The following ZNF841 variants were observed in gnomAD, a reference collection of about 807,000 sequenced individuals.
The protein encoded by ZNF841 is TCONS_00006091.
A neutral mutation model predicts 13.0 loss-of-function variants in ZNF841; 11 were observed. That is an observed-to-expected ratio of 0.85 (90% CI 0.53 to 1.40). The LOEUF is 1.40. Among genes scored for constraint, ZNF841 ranks in the 40% most tolerant of loss-of-function variants. The pLI is 0.00. For synonymous variants in ZNF841, 369 were observed against 381.6 expected (o/e 0.97, Z 0.38); for missense variants, 1,068 against 1,139.5 (o/e 0.94, Z 0.90).
Position 52,066,410 on chromosome 19 carries a change from C to A in ZNF841, c.1472G>T (p.Gly491Val), listed in dbSNP as rs2087562714. The A allele has an allele frequency of 6.2e-7, 1 of 1,614,050 alleles. No individual in the cohort carries two copies. The highest frequency in any genetic ancestry group is 1.3e-5 in the African/African-American group (1 of 75,030). ...GEKPYKCNEC[G>V]KVFSQHSHLA... ...ATGTGAATGTTGACTGAAGACCTTG[C>A]CACATTCATTACATTTGTAGGGTTT... Residue 491 changes from glycine to valine, a missense_variant, in exon 7 of 7, where the codon GGC (glycine) becomes GTC (valine). Transcript: ENST00000594440.
downstream of ZNF841, among the ~76,000 whole-genome samples, chr19:52,062,945 G>A (rs188937348): frequency 2.6e-4 from 39 of 147,810 alleles, 1 homozygote; most frequent in East Asian, 7.2e-3. Context: ...GTGCAATCTC[G>A]GCTCACTGCA....
At chr19:52,076,022 T>C in intron 6 of ZNF841, 22 bp downstream of exon 6, 5 of 1,551,716 alleles carry the variant, frequency 3.2e-6, no homozygotes, top group African/African-American at 1.4e-5. Flanking sequence ...ACCGCTTCCA[T>C]TGTGCCCATC....
chr19:52,095,291 G>T (rs149889505), intron 1 of ZNF841, among the ~76,000 whole-genome samples: 2 of 152,284 alleles, frequency 1.3e-5, no homozygotes, highest in African/African-American at 4.8e-5. Flanking sequence ...CGACAGGGAG[G>T]GTCTGCAGAA....
chr19:52,085,016 T>G, intron 3 of ZNF841, 138 bp from the exon 4 acceptor site: 1 of 575,614 alleles, frequency 1.7e-6, no homozygotes, highest in Non-Finnish European at 3.0e-6. Context: ...AATAAACTCC[T>G]ACACAAAGAC....
the ZNF841 span, among the ~76,000 whole-genome samples, chr19:52,059,370 A>AAAATATATATAT: frequency 1.2e-3 from 85 of 69,590 alleles, no homozygotes; most frequent in African/African-American, 6.7e-3. Context: ...AAAAAAAAAA[A>AAAATATATATAT]ATATATATAT....
chr19:52,081,535 T>G (rs1600096973), intron 4 of ZNF841, among the ~76,000 whole-genome samples: 3 of 152,158 alleles, frequency 2.0e-5, no homozygotes, highest in Admixed American at 2.0e-4. Context: ...TCAACAGAAA[T>G]AGAAGCTATA....
In ZNF841 at chr19:52,084,796, A is replaced by C. The variant is rs955916361; in HGVS notation, c.6T>G (p.Ala2=). The stretch of plus-strand genomic sequence containing the variant: ...AAGATTATCACTTTACCTGAGGAAG[A>C]GCCATCCCTGGCTCCTTTTCTTTCT... M[A]LPQGSLTFRD... Residue 2 remains alanine (A), a synonymous_variant, in exon 4 of 7, where the codon GCT becomes GCG. Coordinates refer to ENST00000594440, the MANE Select transcript of ZNF841 (RefSeq NM_001136499.2). The C allele has an allele frequency of 1.2e-6, 2 of 1,613,622 alleles. No individual in the cohort carries two copies. The highest frequency in any genetic ancestry group is 2.7e-5 in the African/African-American group (2 of 74,904).
At chr19:52,077,248 T>C (rs983031664) in intron 4 of ZNF841, among the ~76,000 whole-genome samples, 164 bp from the exon 5 acceptor site, 1 of 152,226 alleles carries the variant, frequency 6.6e-6, no homozygotes, top group African/African-American at 2.4e-5. Flanking sequence ...TTGGGTTTTA[T>C]AAAATTCAAT....
At chr19:52,078,624 G>A (rs763652189) in intron 4 of ZNF841, among the ~76,000 whole-genome samples, 10 of 150,962 alleles carry the variant, frequency 6.6e-5, no homozygotes, top group South Asian at 2.1e-4. Context: ...GCATGAACCC[G>A]GGAAGCAGGG....
rs754478761 is a variant in ZNF841 at position 52,067,519 on chromosome 19, A to T, written c.363T>A (p.His121Gln). The change falls in exon 7 of 7, where the codon CAT becomes CAA. Residue 121 changes from histidine (H) to glutamine (Q), a missense_variant. His to Gln is a conservative substitution (Grantham distance 24, BLOSUM62 0). Transcript: ENST00000594440. The stretch of plus-strand genomic sequence containing the variant: ...AAAAATTTTCAGTGTCATAGCTTTC[A>T]TGTCCTTCCAACATCACTGCTTGGA... ...EKFQAVMLEG[H>Q]ESYDTENFYF... 16 of 1,599,980 alleles carry T rather than the reference A, an allele frequency of 1.0e-5. No homozygotes were observed. Among genetic ancestry groups the T allele is most frequent in the Non-Finnish European group, 1.4e-5 (16 of 1,172,298 alleles).
At chr19:52,059,370 A>AAAAAAAAAAAAT in the ZNF841 span, among the ~76,000 whole-genome samples, 3 of 69,646 alleles carry the variant, frequency 4.3e-5, no homozygotes, top group African/African-American at 2.5e-4. Context: ...AAAAAAAAAA[A>AAAAAAAAAAAAT]ATATATATAT....
In ZNF841 at chr19:52,066,592, T is replaced by C. The variant is rs1397450092; in HGVS notation, c.1290A>G (p.Thr430=). 2.5e-6 allele frequency: 4 copies of C among 1,613,726 alleles called. No individual in the cohort carries two copies. Among genetic ancestry groups the C allele is most frequent in the African/African-American group, 2.7e-5 (2 of 75,030 alleles). Residue 430 remains threonine, a synonymous_variant, in exon 7 of 7, where the codon ACA becomes ACG. Coordinates refer to ENST00000594440, the MANE Select transcript of ZNF841 (RefSeq NM_001136499.2). ...AAAAGACCTTGCCACATACATCACA[T>C]GTATATGGTTTCTTTCCTGCATGGA... ...HIIHAGKKPY[T]CDVCGKVFYQ...
At chr19:52,083,227 T>C (rs1377542991) in intron 4 of ZNF841, among the ~76,000 whole-genome samples, 1 of 152,088 alleles carries the variant, frequency 6.6e-6, no homozygotes, top group Non-Finnish European at 1.5e-5. Context: ...CAATAGTAGC[T>C]CCTCAATGAA....
intron 6 of ZNF841, among the ~76,000 whole-genome samples, chr19:52,074,707 G>C (rs953757591): frequency 4.6e-5 from 7 of 152,038 alleles, no homozygotes; most frequent in African/African-American, 1.7e-4. Flanking sequence ...AGTAGAGACG[G>C]GGTTTCACCA....
chr19:52,064,007 C>T (rs747896248), downstream of ZNF841, among the ~76,000 whole-genome samples: 5 of 151,878 alleles, frequency 3.3e-5, no homozygotes, highest in Non-Finnish European at 7.4e-5. Flanking sequence ...TGATTTCTCT[C>T]CAGGATGTAT....
Position 52,090,682 on chromosome 19 carries a change from A to G in ZNF841, c.-143-1680T>C, listed in dbSNP as rs1256029303. Among the ~76,000 whole-genome samples, 1,090 of 131,424 alleles carry G rather than the reference A, an allele frequency of 8.3e-3. 13 individuals carry two copies. The highest frequency in any genetic ancestry group is 0.028 in the South Asian group (103 of 3,724). The allele number at this position is 131,424 out of a possible 152,430, so 86.2% of individuals were successfully genotyped here. On this transcript the variant is annotated intron_variant, in intron 2 of 6. Transcript: ENST00000594440. ...AAGAAAGAAAGAAAGAAAGAAAGAA[A>G]GAAAGAAAGAAAGAAAGAAAGAAAG... is the stretch of plus-strand genomic sequence containing the variant.
chr19:52,090,135 A>G (rs911469219), intron 2 of ZNF841, among the ~76,000 whole-genome samples: 4 of 152,240 alleles, frequency 2.6e-5, no homozygotes, highest in Non-Finnish European at 5.9e-5. Context: ...CACTAAAGAC[A>G]AAATATCTGA....
chr19:52,075,530 G>A (rs2087872337), intron 6 of ZNF841, among the ~76,000 whole-genome samples: 1 of 152,218 alleles, frequency 6.6e-6, no homozygotes, highest in Non-Finnish European at 1.5e-5. Flanking sequence ...AGAGAGGGCT[G>A]AAGATAGTCC....
chr19:52,088,172 C>A (rs781196016), intron 3 of ZNF841, among the ~76,000 whole-genome samples: 4 of 152,068 alleles, frequency 2.6e-5, no homozygotes, highest in South Asian at 2.1e-4. Context: ...GTGCTTATGG[C>A]AGTACAGTTC....
Sources: allele counts gnomAD v4.1 joint callset (sites outside exome capture counted in the v4.1 genomes callset), GRCh38; gene constraint gnomAD v4.1.1; transcripts MANE v1.5; gene names NCBI Gene and HGNC (gene_info 2026-07-23, HGNC 2026-07-21).